GCA: variants seen among roughly 807,000 people sequenced by gnomAD.
GCA encodes the protein grancalcin.
In GCA, 30 loss-of-function variants were observed where a neutral mutation model predicts 32.6. That is an observed-to-expected ratio of 0.92 (90% CI 0.69 to 1.25). The LOEUF (loss-of-function observed/expected upper bound fraction) is 1.25, where lower values mean the gene tolerates loss of function less well. Ranked by LOEUF, GCA falls within the 50% of genes most tolerant of loss-of-function variation. GCA has a pLI of 0.00. For synonymous variants in GCA, 102 were observed against 84.6 expected, an observed-to-expected ratio of 1.21 and a Z score of -1.13; for missense variants, 291 against 266.8, an observed-to-expected ratio of 1.09 and a Z score of -0.63.
At chr2:162,350,495 G>A (rs1192000259) in intron 2 of GCA, among the ~76,000 whole-genome samples, 1 of 152,012 alleles carries the variant, frequency 6.6e-6, no homozygotes, top group Non-Finnish European at 1.5e-5. Context: ...TACCTTAACT[G>A]TTCTACTCAT....
At chr2:162,356,560 G>A in intron 4 of GCA, 79 bp downstream of exon 4, 1 of 942,518 alleles carries the variant, frequency 1.1e-6, no homozygotes, top group Non-Finnish European at 1.7e-6. Flanking sequence ...TTAGATTTCA[G>A]TGCCTGTAGT....
At chr2:162,374,858 G>A (rs1354050122), downstream of GCA, among the ~76,000 whole-genome samples, 1 of 151,976 alleles carries the variant, frequency 6.6e-6, no homozygotes, top group Non-Finnish European at 1.5e-5. Context: ...AATGATACAT[G>A]ACTTTGCAAA....
downstream of GCA, among the ~76,000 whole-genome samples, chr2:162,374,242 G>T (rs180693427): frequency 2.8e-4 from 43 of 152,116 alleles, no homozygotes; most frequent in African/African-American, 1.0e-3. Flanking sequence ...ATATGTCATG[G>T]CCTTTGGTAT....
At chr2:162,372,128 A>T (rs1403733912), downstream of GCA, 1 of 1,522,772 alleles carries the variant, frequency 6.6e-7, no homozygotes, top group South Asian at 1.2e-5. Context: ...AGTTTTTATA[A>T]TTCACATTGA....
In GCA at chr2:162,362,873, G is replaced by C. The variant is rs552081896; in HGVS notation, c.*2630G>C. On this transcript the variant is annotated 3_prime_UTR_variant, in exon 8 of 8. Transcript: ENST00000437150. ...ATGTAATTTCAAGGATTTCTCATTT[G>C]ACCTATTTACACATGCATCCAGAAA... 6.6e-6 allele frequency among the ~76,000 whole-genome samples: 1 copy of C among 151,190 alleles called. No individual in the cohort carries two copies. Among genetic ancestry groups the C allele is most frequent in the African/African-American group, 2.4e-5 (1 of 41,280 alleles).
upstream of GCA, among the ~76,000 whole-genome samples, chr2:162,343,877 C>T (rs985758923): frequency 6.6e-6 from 1 of 152,150 alleles, no homozygotes; most frequent in Non-Finnish European, 1.5e-5. Context: ...AATTCCGTTG[C>T]AGCAGCCAAG....
At chr2:162,368,959 CAGG>C (rs1467054502) in intron 4 of GCA, among the ~76,000 whole-genome samples, 1 of 152,058 alleles carries the variant, frequency 6.6e-6, no homozygotes, top group African/African-American at 2.4e-5. Flanking sequence ...TTAATAACAG[CAGG>C]AGATCATTGG....
intron 1 of GCA, among the ~76,000 whole-genome samples, chr2:162,334,739 C>T (rs997225842): frequency 6.6e-6 from 1 of 152,130 alleles, no homozygotes; most frequent in Non-Finnish European, 1.5e-5. Context: ...ATTTTTGAAT[C>T]CTCAATAGTA....
At chr2:162,363,163 GAT>G (rs72053770), downstream of GCA, among the ~76,000 whole-genome samples, 2,530 of 151,450 alleles carry the variant, frequency 0.017, 75 homozygotes, top group African/African-American at 0.058. Flanking sequence ...ACTCTTAAAT[GAT>G]ATGTTTTCTT....
intron 1 of GCA, among the ~76,000 whole-genome samples, chr2:162,322,723 C>A (rs1683725843): frequency 6.6e-6 from 1 of 151,342 alleles, no homozygotes; most frequent in African/African-American, 2.5e-5. Flanking sequence ...CATGTCCCTA[C>A]AAAGGACATG....
At chr2:162,329,986 C>A (rs1576260650) in intron 1 of GCA, among the ~76,000 whole-genome samples, 1 of 152,138 alleles carries the variant, frequency 6.6e-6, no homozygotes, top group Non-Finnish European at 1.5e-5. Flanking sequence ...CATCCACGTC[C>A]GTGCACAGGA....
At chr2:162,343,873 G>T (rs1684533363), upstream of GCA, among the ~76,000 whole-genome samples, 1 of 152,176 alleles carries the variant, frequency 6.6e-6, no homozygotes, top group African/African-American at 2.4e-5. Context: ...TGGGAATTCC[G>T]TTGCAGCAGC....
Position 162,346,978 on chromosome 2 carries a change from A to G in GCA, c.28-600A>G, listed in dbSNP as rs191722096. Among the ~76,000 whole-genome samples the G allele has an allele frequency of 2.6e-5, 4 of 152,328 alleles. No homozygotes were observed. The East Asian group carries it at 7.7e-4, about 29-fold the overall frequency. ...GTGGGAGGCCAGCATACAGAACTCT[A>G]TGTCATCCCTCAGGATACTACCAGA... is the stretch of plus-strand genomic sequence containing the variant. On this transcript the variant is annotated intron_variant, in intron 1 of 7. Coordinates refer to ENST00000437150, the MANE Select transcript of GCA (RefSeq NM_012198.5).
Position 162,347,684 on chromosome 2 carries a change from A to G in GCA, c.134A>G (p.Asp45Gly), listed in dbSNP as rs138275925. 9 of 1,608,874 alleles carry G rather than the reference A, an allele frequency of 5.6e-6. No homozygotes were observed. Among genetic ancestry groups the G allele is most frequent in the Admixed American group, 1.7e-5 (1 of 59,774 alleles). ...GGATACTCTGGGCCAGCATATTCAGACACTTATTCCTCAGCTGGTGACTCC... is the reference window on the plus strand; with the variant it reads ...GGATACTCTGGGCCAGCATATTCAGGCACTTATTCCTCAGCTGGTGACTCC... ...LDGYSGPAYS[D>G]TYSSAGDSVY... The change falls in exon 2 of 8, where the codon GAC (aspartate) becomes GGC (glycine). Residue 45 changes from aspartate (D) to glycine (G), a missense_variant. Physicochemically the swap from Asp to Gly is moderately conservative, Grantham distance 94 (BLOSUM62 -1). Coordinates refer to ENST00000437150, the MANE Select transcript of GCA (RefSeq NM_012198.5).
Position 162,360,882 on chromosome 2 carries a change from T to C in GCA, c.*639T>C. The C allele has an allele frequency of 9.0e-7, 1 of 1,112,702 alleles. No individual in the cohort carries two copies. Among genetic ancestry groups the C allele is most frequent in the Non-Finnish European group, 1.1e-6 (1 of 888,556 alleles). 68.9% of individuals were successfully genotyped at this position (1,112,702 alleles called of 1,614,324 possible). A position where few individuals can be genotyped will look rare whatever the true frequency, so the allele number is the denominator to read the frequency against. On this transcript the variant is annotated 3_prime_UTR_variant, in exon 8 of 8. Transcript: ENST00000437150. ...TATTATATATTTTTCTTAAATATGT[T>C]TTATTGTCTTCTCTAAGCAAAAAGT...
chr2:162,363,217 G>A (rs1685649912), downstream of GCA, among the ~76,000 whole-genome samples: 2 of 151,282 alleles, frequency 1.3e-5, no homozygotes, highest in Admixed American at 1.3e-4. Flanking sequence ...AAATAAATTT[G>A]TTAATATCTG....
At chr2:162,330,334 G>C (rs1684031392) in intron 1 of GCA, among the ~76,000 whole-genome samples, 1 of 152,146 alleles carries the variant, frequency 6.6e-6, no homozygotes, top group Non-Finnish European at 1.5e-5. Flanking sequence ...TTGCCAGCAT[G>C]CGTTACTTTT....
downstream of GCA, among the ~76,000 whole-genome samples, chr2:162,364,911 TGTG>T (rs749843045): frequency 1.3e-5 from 2 of 151,628 alleles, no homozygotes; most frequent in Non-Finnish European, 3.0e-5. Flanking sequence ...CAATCACTGT[TGTG>T]GTCTTAACAG....
chr2:162,345,128 G>GGTGGTGGTGGTGGTGGTGGTGGTGGTT (rs1684627699), intron 1 of GCA, among the ~76,000 whole-genome samples: 1 of 150,454 alleles, frequency 6.6e-6, no homozygotes, highest in Non-Finnish European at 1.5e-5. Flanking sequence ...TGGTGGTGGT[G>GGTGGTGGTGGTGGTGGTGGTGGTGGTT]GTGGTGGTTG....
Sources: gnomAD v4.1 joint callset for allele counts (sites outside exome capture counted in the v4.1 genomes callset) on GRCh38, gnomAD v4.1.1 for gene constraint, MANE v1.5 for transcripts, NCBI Gene and HGNC (gene_info 2026-07-23, HGNC 2026-07-21) for gene names.